AKAIN1: variants seen among roughly 807,000 people sequenced by gnomAD.
The protein encoded by AKAIN1 is A-kinase anchor inhibitor 1.
Under a neutral mutation model 3.7 loss-of-function variants are expected in AKAIN1, and 3 were observed. The ratio of observed to expected loss-of-function variants is 0.82; its 90% confidence interval spans 0.37 to 2.12. AKAIN1 has a LOEUF of 2.12. Among genes scored for constraint, AKAIN1 ranks in the 30% most tolerant of loss-of-function variants. The pLI is 0.06. For synonymous variants in AKAIN1, 31 were observed against 30.8 expected, an observed-to-expected ratio of 1.01 and a Z score of -0.02; for missense variants, 82 against 82.7, an observed-to-expected ratio of 0.99 and a Z score of 0.03.
chr18:5,178,979 T>G (rs757411962), intron 1 of AKAIN1, among the ~76,000 whole-genome samples: 1 of 152,172 alleles, frequency 6.6e-6, no homozygotes, highest in Non-Finnish European at 1.5e-5. Flanking sequence ...CCCTTCGTAT[T>G]ATTTAATAAA....
intron 1 of AKAIN1, among the ~76,000 whole-genome samples, chr18:5,177,898 C>A (rs1422445570): frequency 6.6e-6 from 1 of 152,110 alleles, no homozygotes; most frequent in Non-Finnish European, 1.5e-5. Flanking sequence ...CTGCTTAGAA[C>A]ATCACTGGAG....
At chr18:5,187,123 A>C (rs924546100) in intron 1 of AKAIN1, among the ~76,000 whole-genome samples, 10 of 152,036 alleles carry the variant, frequency 6.6e-5, no homozygotes, top group Non-Finnish European at 1.5e-4. Flanking sequence ...GTTTTGTCTT[A>C]AGTCAAGAAA....
intron 1 of AKAIN1, among the ~76,000 whole-genome samples, chr18:5,194,502 C>T (rs1337489535): frequency 6.6e-6 from 1 of 152,052 alleles, no homozygotes; most frequent in African/African-American, 2.4e-5. Context: ...ATTCTAATTC[C>T]CCCTCATTCC....
intron 1 of AKAIN1, among the ~76,000 whole-genome samples, chr18:5,148,245 C>T (rs2071060331): frequency 6.6e-6 from 1 of 152,216 alleles, no homozygotes; most frequent in Admixed American, 6.5e-5. Flanking sequence ...TTCAGAGGTA[C>T]TCCAGTGTGT....
intron 1 of AKAIN1, among the ~76,000 whole-genome samples, chr18:5,165,967 T>C (rs891370840): frequency 1.3e-5 from 2 of 152,036 alleles, no homozygotes; most frequent in Admixed American, 6.6e-5. Context: ...TCACTTGTCA[T>C]GTCTGGGTTC....
At chr18:5,176,596 A>G (rs443857) in intron 1 of AKAIN1, among the ~76,000 whole-genome samples, 7,363 of 152,230 alleles carry the variant, frequency 0.048, 447 homozygotes, top group African/African-American at 0.14. Flanking sequence ...TCATTTCCTG[A>G]ATGTTTGGTG....
At chr18:5,169,868 G>A (rs2071187752) in intron 1 of AKAIN1, among the ~76,000 whole-genome samples, 1 of 152,142 alleles carries the variant, frequency 6.6e-6, no homozygotes, top group South Asian at 2.1e-4. Context: ...ACCTGCTTAT[G>A]TAAACTACCT....
At chr18:5,181,807 A>T (rs1336841256) in intron 1 of AKAIN1, among the ~76,000 whole-genome samples, 1 of 152,162 alleles carries the variant, frequency 6.6e-6, no homozygotes, top group Non-Finnish European at 1.5e-5. Flanking sequence ...TAATGATCAA[A>T]GAATAGTATC....
intron 1 of AKAIN1, among the ~76,000 whole-genome samples, chr18:5,173,058 T>C (rs1453487283): frequency 6.6e-6 from 1 of 152,164 alleles, no homozygotes; most frequent in African/African-American, 2.4e-5. Context: ...CACAAGCTGA[T>C]ATTGTAATGT....
At chr18:5,179,503 A>C (rs962115563) in intron 1 of AKAIN1, among the ~76,000 whole-genome samples, 2 of 151,906 alleles carry the variant, frequency 1.3e-5, no homozygotes, top group African/African-American at 4.8e-5. Context: ...CATATCTTTG[A>C]TATCTTTGCT....
chr18:5,176,571 T>C (rs2071227936), intron 1 of AKAIN1, among the ~76,000 whole-genome samples: 1 of 152,206 alleles, frequency 6.6e-6, no homozygotes, highest in South Asian at 2.1e-4. Flanking sequence ...TATGATAAGA[T>C]GCCAACATTT....
At chr18:5,188,771 G>A (rs1598316872) in intron 1 of AKAIN1, among the ~76,000 whole-genome samples, 1 of 152,052 alleles carries the variant, frequency 6.6e-6, no homozygotes, top group South Asian at 2.1e-4. Flanking sequence ...CCATACCAAA[G>A]AACTCCCCCA....
At chr18:5,175,408 C>T (rs2143357040) in intron 1 of AKAIN1, among the ~76,000 whole-genome samples, 1 of 152,200 alleles carries the variant, frequency 6.6e-6, no homozygotes, top group East Asian at 1.9e-4. Flanking sequence ...TCATGGCATC[C>T]TAGGAAACAT....
rs568882716 is a variant in AKAIN1 at position 5,191,303 on chromosome 18, A to G, written c.16+5735T>C. 3.7e-4 allele frequency among the ~76,000 whole-genome samples: 57 copies of G among 152,328 alleles called. 1 individual carries two copies. The South Asian group carries it at 6.0e-3, about 16-fold the overall frequency. On this transcript the variant is annotated intron_variant, in intron 1 of 1. Coordinates refer to ENST00000434239, the MANE Select transcript of AKAIN1 (RefSeq NM_001145194.2). ...CAACTAATAAAAGAGTGAAGCAAGA[A>G]CATAGAAAACAGGGTCAACATGCAA...
At chr18:5,159,214 G>A (rs1399303373) in intron 1 of AKAIN1, 1 of 151,952 alleles carries the variant, frequency 6.6e-6, no homozygotes, top group African/African-American at 2.4e-5. Flanking sequence ...AAAAAAAGTA[G>A]CTGAAGAAAA....
intron 1 of AKAIN1, among the ~76,000 whole-genome samples, chr18:5,178,266 A>T (rs769121939): frequency 6.6e-6 from 1 of 152,104 alleles, no homozygotes; most frequent in Non-Finnish European, 1.5e-5. Flanking sequence ...AAGAAGTGGG[A>T]CAACCTGGGC....
intron 1 of AKAIN1, among the ~76,000 whole-genome samples, chr18:5,155,310 C>G (rs2071101333): frequency 6.6e-6 from 1 of 152,184 alleles, no homozygotes; most frequent in South Asian, 2.1e-4. Context: ...AAACTCCACT[C>G]TGGGCTCATG....
At chr18:5,184,774 A>T (rs2071277768) in intron 1 of AKAIN1, among the ~76,000 whole-genome samples, 1 of 152,140 alleles carries the variant, frequency 6.6e-6, no homozygotes, top group Non-Finnish European at 1.5e-5. Context: ...TGCCCAAAGC[A>T]ATTTACAGAT....
chr18:5,163,564 C>A (rs2071151260), intron 1 of AKAIN1: 1 of 151,926 alleles, frequency 6.6e-6, no homozygotes, highest in Non-Finnish European at 1.5e-5. Flanking sequence ...TATCGTGAAG[C>A]CAAAAAATTA....
Sources: allele counts gnomAD v4.1 joint callset (sites outside exome capture counted in the v4.1 genomes callset), GRCh38; gene constraint gnomAD v4.1.1; transcripts MANE v1.5; gene names NCBI Gene and HGNC (gene_info 2026-07-23, HGNC 2026-07-21).